The following SLC17A1 variants were observed in gnomAD, a reference collection of about 807,000 sequenced individuals.
SLC17A1 encodes the protein solute carrier family 17 member 1.
Under a neutral mutation model 53.5 loss-of-function variants are expected in SLC17A1, and 51 were observed. The observed-to-expected ratio is 0.95, with a 90% CI of 0.76 to 1.20. The LOEUF (loss-of-function observed/expected upper bound fraction) is 1.20. Ranked by LOEUF, SLC17A1 falls within the 50% of genes most tolerant of loss-of-function variation. SLC17A1 has a pLI of 0.00. For missense variants in SLC17A1, 538 were observed against 568.2 expected (o/e 0.95, Z 0.54); for synonymous variants, 179 against 198.8 (o/e 0.90, Z 0.84).
Position 25,826,649 on chromosome 6 carries a change from GAAAGTCGC to G in SLC17A1, c.35-24_35-17del. 1 of 1,540,448 alleles carries G rather than the reference GAAAGTCGC, an allele frequency of 6.5e-7. No homozygotes were observed. Among genetic ancestry groups the G allele is most frequent in the Non-Finnish European group, 8.8e-7 (1 of 1,138,442 alleles). ...AAACCTGGAACTACAAAGTAAAACA[GAAAGTCGC>G]AATTGCTGACAGAGCTGAGATAAAA... On this transcript the variant is annotated splice_polypyrimidine_tract_variant and intron_variant, in intron 2 of 12. Transcript: ENST00000244527.
At chr6:25,798,456 C>A in intron 12 of SLC17A1, 1 of 205,532 alleles carries the variant, frequency 4.9e-6, no homozygotes, top group Non-Finnish European at 9.7e-6. Flanking sequence ...TCCTTGCTCC[C>A]AACCTTTTTC....
intron 12 of SLC17A1, among the ~76,000 whole-genome samples, chr6:25,787,606 T>C (rs1466146629): frequency 5.3e-5 from 8 of 152,352 alleles, no homozygotes; most frequent in African/African-American, 1.9e-4. Context: ...CAAAATCACG[T>C]AGACCTTGTC....
intron 12 of SLC17A1, among the ~76,000 whole-genome samples, chr6:25,785,629 C>G (rs1763365198): frequency 6.6e-6 from 1 of 151,868 alleles, no homozygotes; most frequent in Admixed American, 6.6e-5. Context: ...CTCTTATAAC[C>G]CAACATCAAA....
At chr6:25,827,514 A>G (rs921945557) in intron 2 of SLC17A1, among the ~76,000 whole-genome samples, 4 of 152,150 alleles carry the variant, frequency 2.6e-5, no homozygotes, top group African/African-American at 9.7e-5. Context: ...TATGAAGTTC[A>G]AAAACAGGCA....
the SLC17A1 span, chr6:25,770,997 G>A: frequency 5.2e-5 from 84 of 1,613,570 alleles, no homozygotes; most frequent in African/African-American, 5.5e-4. Context: ...ATGGCCTTAC[G>A]TCTTCTATAT....
At chr6:25,767,388 C>T in the SLC17A1 span, among the ~76,000 whole-genome samples, 1 of 152,072 alleles carries the variant, frequency 6.6e-6, no homozygotes, top group Non-Finnish European at 1.5e-5. Flanking sequence ...AATAAACTTA[C>T]ATAAACTTAT....
intron 3 of SLC17A1, among the ~76,000 whole-genome samples, chr6:25,820,374 A>G (rs1764511539): frequency 2.6e-5 from 4 of 152,208 alleles, no homozygotes; most frequent in South Asian, 2.1e-4. Flanking sequence ...CCCCATATAC[A>G]TATTGCTCCC....
At chr6:25,825,090 C>G (rs1435422155) in intron 3 of SLC17A1, among the ~76,000 whole-genome samples, 3 of 151,916 alleles carry the variant, frequency 2.0e-5, no homozygotes, top group Non-Finnish European at 2.9e-5. Context: ...CCCTTTACTT[C>G]TAACTTATCT....
At chr6:25,762,638 A>G in the SLC17A1 span, among the ~76,000 whole-genome samples, 3 of 152,164 alleles carry the variant, frequency 2.0e-5, no homozygotes, top group African/African-American at 7.2e-5. Flanking sequence ...AAAAGGCAAA[A>G]CCCTAACCAA....
At chr6:25,815,042 T>C (rs562461915) in intron 6 of SLC17A1, among the ~76,000 whole-genome samples, 1 of 145,210 alleles carries the variant, frequency 6.9e-6, no homozygotes, top group Non-Finnish European at 1.5e-5. Context: ...AAGAATGAAA[T>C]ATCTAAGAAC....
chr6:25,764,789 C>T, the SLC17A1 span, among the ~76,000 whole-genome samples: 226 of 152,314 alleles, frequency 1.5e-3, no homozygotes, highest in African/African-American at 4.7e-3. Flanking sequence ...TTTCCCCTCA[C>T]GCTTCACTGG....
chr6:25,788,572 G>C (rs1763433523), intron 12 of SLC17A1, among the ~76,000 whole-genome samples: 1 of 152,208 alleles, frequency 6.6e-6, no homozygotes, highest in Non-Finnish European at 1.5e-5. Flanking sequence ...GAGGGTGTCT[G>C]AGCTGGGTGA....
At chr6:25,773,354 T>C in the SLC17A1 span, 8 of 1,614,008 alleles carry the variant, frequency 5.0e-6, no homozygotes, top group Admixed American at 1.7e-5. Context: ...TTATCAGTGC[T>C]GGTGAGAAGA....
chr6:25,760,164 G>T, the SLC17A1 span, among the ~76,000 whole-genome samples: 1 of 152,144 alleles, frequency 6.6e-6, no homozygotes. Flanking sequence ...ATAGGATCTG[G>T]TTCTTTTAAT....
the SLC17A1 span, chr6:25,768,297 A>G: frequency 6.9e-6 from 6 of 863,778 alleles, no homozygotes; most frequent in Non-Finnish European, 8.3e-6. Context: ...GCATCTTCAT[A>G]CCTTGTGATC....
At chr6:25,827,237 A>G (rs1460630794) in intron 2 of SLC17A1, among the ~76,000 whole-genome samples, 2 of 152,168 alleles carry the variant, frequency 1.3e-5, no homozygotes, top group Non-Finnish European at 2.9e-5. Flanking sequence ...GTTTTTCAAC[A>G]AATGGCATTT....
chr6:25,823,270 A>G (rs1764626378), intron 3 of SLC17A1, among the ~76,000 whole-genome samples: 1 of 152,134 alleles, frequency 6.6e-6, no homozygotes, highest in South Asian at 2.1e-4. Flanking sequence ...AAAAATGTTT[A>G]TAGAACATTT....
the SLC17A1 span, chr6:25,769,077 C>CCAG: frequency 6.2e-7 from 1 of 1,614,066 alleles, no homozygotes; most frequent in Non-Finnish European, 8.5e-7. Context: ...CATTGCCATC[C>CCAG]CAGCTATGGT....
At chr6:25,815,583 C>T (rs1191752724) in intron 6 of SLC17A1, among the ~76,000 whole-genome samples, 1 of 152,164 alleles carries the variant, frequency 6.6e-6, no homozygotes, top group Non-Finnish European at 1.5e-5. Context: ...TCACCTCCTC[C>T]CCTCACCAGA....
Sources: gnomAD v4.1 joint callset for allele counts (sites outside exome capture counted in the v4.1 genomes callset) on GRCh38, gnomAD v4.1.1 for gene constraint, MANE v1.5 for transcripts, NCBI Gene and HGNC (gene_info 2026-07-23, HGNC 2026-07-21) for gene names.